Variants in RASEF observed in about 807,000 individuals in gnomAD.
RASEF encodes ras and EF-hand domain-containing protein.
A neutral mutation model predicts 90.1 loss-of-function variants in RASEF; 68 were observed. That is an observed-to-expected ratio of 0.75 (90% CI 0.62 to 0.92). The LOEUF is 0.92. RASEF is among the 40% of genes least tolerant of loss of function. The probability of loss-of-function intolerance (pLI) is 0.00; values close to 1 mark genes in which losing one functional copy is unlikely to be tolerated. For synonymous variants in RASEF, 331 were observed against 345.2 expected, an observed-to-expected ratio of 0.96 and a Z score of 0.46; for missense variants, 949 against 937.2, an observed-to-expected ratio of 1.01 and a Z score of -0.16.
At chr9:83,057,846 C>CATATATATATAT (rs66535022) in intron 1 of RASEF, among the ~76,000 whole-genome samples, 2 of 143,410 alleles carry the variant, frequency 1.4e-5, no homozygotes, top group Non-Finnish European at 3.0e-5. Context: ...TTCATATATA[C>CATATATATATAT]ATATATATAT....
the RASEF span, among the ~76,000 whole-genome samples, chr9:83,163,043 T>C: frequency 2.0e-5 from 3 of 152,224 alleles, no homozygotes; most frequent in Non-Finnish European, 4.4e-5. Context: ...GGAGAAACTA[T>C]TTAACCAGAA....
the RASEF span, among the ~76,000 whole-genome samples, chr9:83,124,710 A>G: frequency 6.6e-6 from 1 of 152,190 alleles, no homozygotes; most frequent in Non-Finnish European, 1.5e-5. Context: ...AAAACTGGAG[A>G]GAAACAAACT....
At chr9:83,112,187 T>A in the RASEF span, among the ~76,000 whole-genome samples, 1 of 152,146 alleles carries the variant, frequency 6.6e-6, no homozygotes, top group Admixed American at 6.5e-5. Flanking sequence ...ATTGACACTT[T>A]CACATTCTGG....
At chr9:83,070,313 TAAA>T in the RASEF span, among the ~76,000 whole-genome samples, 4 of 152,270 alleles carry the variant, frequency 2.6e-5, no homozygotes, top group African/African-American at 7.2e-5. Context: ...ATTAAATGAA[TAAA>T]AAGTTGAAGT....
At position 83,062,643 on chromosome 9, in the gene RASEF, G is replaced by T. The variant is rs1397681556; in HGVS notation, c.225C>A (p.Leu75=). ...CCCAGTCCCGGCGCCGCCCCCCGCGGAGGGACCCGAGGAAGCCACGCGCGA... is the reference window on the plus strand; with the variant it reads ...CCCAGTCCCGGCGCCGCCCCCCGCGTAGGGACCCGAGGAAGCCACGCGCGA... ...QEFARGFLGS[L]RGGRRRDWGP... is the part of the protein sequence containing the mutation. Residue 75 remains leucine, a synonymous_variant, in exon 1 of 17, where the codon CTC becomes CTA. Coordinates refer to ENST00000376447, the MANE Select transcript of RASEF (RefSeq NM_152573.4). 5.1e-6 allele frequency: 8 copies of T among 1,556,916 alleles called. No individual in the cohort carries two copies. The highest frequency in any genetic ancestry group is 6.9e-6 in the Non-Finnish European group (8 of 1,157,912).
intron 8 of RASEF, 102 bp downstream of exon 8, chr9:83,005,314 C>G (rs1829109094): frequency 1.2e-6 from 1 of 802,798 alleles, no homozygotes; most frequent in African/African-American, 1.7e-5. Context: ...ATTATAAGGA[C>G]TTACTTGAGG....
intron 1 of RASEF, among the ~76,000 whole-genome samples, chr9:83,038,029 C>A (rs1189410164): frequency 1.3e-5 from 2 of 151,974 alleles, no homozygotes; most frequent in Admixed American, 1.3e-4. Flanking sequence ...TTTTGAGGGT[C>A]TTCCTATCTT....
intron 2 of RASEF, among the ~76,000 whole-genome samples, chr9:83,023,944 C>T (rs1829489865): frequency 6.6e-6 from 1 of 152,204 alleles, no homozygotes; most frequent in South Asian, 2.1e-4. Context: ...AGTGCTTGCC[C>T]CAGCAATTTC....
At chr9:83,100,884 T>G in the RASEF span, among the ~76,000 whole-genome samples, 1 of 152,216 alleles carries the variant, frequency 6.6e-6, no homozygotes, top group Admixed American at 6.5e-5. Flanking sequence ...TTTCATAGTT[T>G]TATTGATTCC....
At chr9:83,120,744 T>A in the RASEF span, among the ~76,000 whole-genome samples, 1 of 152,198 alleles carries the variant, frequency 6.6e-6, no homozygotes, top group African/African-American at 2.4e-5. Flanking sequence ...GTAATCACTT[T>A]GTTGATGCCA....
rs1367385485 is a variant in RASEF, at chr9:83,025,881, C to T, written c.472G>A (p.Val158Met). ...TATGGCTGAATTAATCTTGGCTCCA[C>T]AAGGTTGATGTTTTGGTACAAGGTA... ...VSTLYQNINL[V>M]EPRLIQPYEH... The change falls in exon 2 of 17, where the codon GTG becomes ATG. Residue 158 changes from valine to methionine, a missense_variant. Physicochemically the swap from Val to Met is conservative, Grantham distance 21. Transcript: ENST00000376447. 1 of 1,613,576 alleles carries T rather than the reference C, an allele frequency of 6.2e-7. No homozygotes were observed. Among genetic ancestry groups the T allele is most frequent in the African/African-American group, 1.3e-5 (1 of 74,894 alleles).
At chr9:83,025,691 A>C (rs1829531586) in intron 2 of RASEF, 84 bp downstream of exon 2, 3 of 1,341,588 alleles carry the variant, frequency 2.2e-6, no homozygotes, top group Middle Eastern at 1.9e-4. Flanking sequence ...ATAGTGTGAC[A>C]ATGCAGTTCA....
the RASEF span, among the ~76,000 whole-genome samples, chr9:83,112,891 T>C: frequency 6.6e-6 from 1 of 152,210 alleles, no homozygotes; most frequent in South Asian, 2.1e-4. Flanking sequence ...AGATGTAAAC[T>C]GTGTTTATCA....
At chr9:83,156,120 A>G in the RASEF span, among the ~76,000 whole-genome samples, 1 of 152,210 alleles carries the variant, frequency 6.6e-6, no homozygotes, top group African/African-American at 2.4e-5. Flanking sequence ...GTCTCACACA[A>G]TTACAAAAAT....
upstream of RASEF, among the ~76,000 whole-genome samples, chr9:83,063,759 CTT>C (rs1444545568): frequency 2.0e-5 from 3 of 152,168 alleles, no homozygotes; most frequent in East Asian, 5.8e-4. Flanking sequence ...CTTAAACAAA[CTT>C]TATGGAAATT....
At chr9:83,186,220 C>T in the RASEF span, among the ~76,000 whole-genome samples, 2 of 152,092 alleles carry the variant, frequency 1.3e-5, no homozygotes, top group African/African-American at 4.8e-5. Context: ...CTGTAATTTT[C>T]CTGCTGCCTA....
chr9:83,065,781 T>C (rs973900658), upstream of RASEF, among the ~76,000 whole-genome samples: 3 of 152,194 alleles, frequency 2.0e-5, no homozygotes, highest in African/African-American at 7.2e-5. Flanking sequence ...ACTCTTTAAT[T>C]CTCAATCAGT....
intron 1 of RASEF, among the ~76,000 whole-genome samples, chr9:83,058,021 GAGAAAC>G (rs1830132023): frequency 6.6e-6 from 1 of 150,814 alleles, no homozygotes; most frequent in South Asian, 2.1e-4. Context: ...GTGGAAAGAG[GAGAAAC>G]TGAGGCAAGA....
the RASEF span, among the ~76,000 whole-genome samples, chr9:83,086,573 G>A: frequency 6.6e-6 from 1 of 152,170 alleles, no homozygotes; most frequent in South Asian, 2.1e-4. Flanking sequence ...GGCTCAAGGT[G>A]CTTCACGAGG....
Sources: gnomAD v4.1 joint callset for allele counts (sites outside exome capture counted in the v4.1 genomes callset) on GRCh38, gnomAD v4.1.1 for gene constraint, MANE v1.5 for transcripts, NCBI Gene and HGNC (gene_info 2026-07-23, HGNC 2026-07-21) for gene names.